NTRK2: variants seen among roughly 807,000 people sequenced by gnomAD.
NTRK2 encodes BDNF/NT-3 growth factors receptor.
NTRK2 carries 13 observed loss-of-function variants against 94.5 expected under a neutral mutation model. The observed-to-expected ratio is 0.14, with a 90% CI of 0.09 to 0.22. The LOEUF (loss-of-function observed/expected upper bound fraction) is 0.22, where lower values mean the gene tolerates loss of function less well. Ranked by LOEUF, NTRK2 falls within the 10% of genes least tolerant of loss-of-function variation. The pLI is 1.00. For synonymous variants in NTRK2, 372 were observed against 407.4 expected, an observed-to-expected ratio of 0.91 and a Z score of 1.05; for missense variants, 639 against 1,071.2, an observed-to-expected ratio of 0.60 and a Z score of 5.63.
At chr9:84,926,168 T>TG (rs2077788725) in intron 14 of NTRK2, among the ~76,000 whole-genome samples, 93 of 62,950 alleles carry the variant, frequency 1.5e-3, no homozygotes, top group African/African-American at 4.8e-3. Flanking sequence ...CTTCCTTCCT[T>TG]CCTTTCTTTC....
rs1481571263 is a variant in NTRK2, at chr9:84,955,331, G to C, written c.1986G>C (p.Thr662=). ...AVLMAEGNPP[T]ELTQSQMLHI... is the part of the protein sequence containing the mutation. Reference sequence around the variant, plus strand: ...TGATGGCTGAGGGCAACCCGCCCACGGAACTGACGCAGTCGCAGATGCTGC... The same window carrying C: ...TGATGGCTGAGGGCAACCCGCCCACCGAACTGACGCAGTCGCAGATGCTGC... Residue 662 remains threonine (T), a synonymous_variant, in exon 17 of 19, where the codon ACG becomes ACC. Coordinates refer to ENST00000277120, the MANE Select transcript of NTRK2 (RefSeq NM_006180.6). 1 of 1,611,548 alleles carries C rather than the reference G, an allele frequency of 6.2e-7. No individual in the cohort carries two copies. Among genetic ancestry groups the C allele is most frequent in the South Asian group, 1.1e-5 (1 of 90,568 alleles).
At chr9:84,946,781 G>T (rs60910459) in intron 15 of NTRK2, among the ~76,000 whole-genome samples, 7,855 of 152,266 alleles carry the variant, frequency 0.052, 281 homozygotes, top group Admixed American at 0.12. Context: ...CTAAAGACAA[G>T]ATGTTACAGG....
At chr9:84,888,611 C>CAA (rs71369158) in intron 14 of NTRK2, among the ~76,000 whole-genome samples, 369 of 33,836 alleles carry the variant, frequency 0.011, 100 homozygotes, top group East Asian at 0.019. Flanking sequence ...CACTCCATCT[C>CAA]AAAAAAAAAA....
intron 15 of NTRK2, among the ~76,000 whole-genome samples, chr9:84,939,266 G>A (rs564900173): frequency 1.3e-5 from 2 of 152,072 alleles, no homozygotes; most frequent in African/African-American, 4.8e-5. Flanking sequence ...AGCTAATATT[G>A]ATATTCTTTA....
At chr9:84,856,335 A>G (rs2075061639) in intron 12 of NTRK2, among the ~76,000 whole-genome samples, 2 of 152,176 alleles carry the variant, frequency 1.3e-5, no homozygotes, top group Non-Finnish European at 2.9e-5. Flanking sequence ...AAAGATTAAG[A>G]TCAAATTGAA....
At chr9:84,727,319 A>C (rs2132073851) in intron 8 of NTRK2, among the ~76,000 whole-genome samples, 1 of 152,326 alleles carries the variant, frequency 6.6e-6, no homozygotes, top group East Asian at 1.9e-4. Flanking sequence ...GATATTAGAA[A>C]CCAAAGTCAA....
At chr9:84,912,645 G>T in intron 14 of NTRK2, among the ~76,000 whole-genome samples, 1 of 118,736 alleles carries the variant, frequency 8.4e-6, no homozygotes, top group African/African-American at 3.3e-5. Flanking sequence ...ATGAGATGGA[G>T]TCTCACTCTG....
chr9:84,672,110 C>A (rs895463910), intron 2 of NTRK2, among the ~76,000 whole-genome samples: 2 of 152,170 alleles, frequency 1.3e-5, no homozygotes, highest in South Asian at 4.1e-4. Context: ...TTTTTCCTTC[C>A]ACAGAAAACA....
chr9:84,725,914 T>G (rs2062418297), intron 8 of NTRK2, among the ~76,000 whole-genome samples: 1 of 152,082 alleles, frequency 6.6e-6, no homozygotes, highest in Non-Finnish European at 1.5e-5. Flanking sequence ...AGGTGCTCAG[T>G]TGAGAGGAAT....
At chr9:84,669,440 GCACACACACA>G (rs367733297), upstream of NTRK2, 2 of 152,238 alleles carry the variant, frequency 1.3e-5, no homozygotes. The surrounding 1 kb of genome is among the most constrained non-coding windows in gnomAD (Gnocchi z 4.1). Context: ...GGATGTAAAT[GCACACACACA>G]CACAGACACA....
At chr9:84,899,325 C>T (rs1290237701) in intron 14 of NTRK2, among the ~76,000 whole-genome samples, 1 of 152,218 alleles carries the variant, frequency 6.6e-6, no homozygotes, top group Non-Finnish European at 1.5e-5. Context: ...ATGTGTATTT[C>T]AGGACAAAAC....
intron 6 of NTRK2, among the ~76,000 whole-genome samples, chr9:84,719,792 G>T (rs2061942186): frequency 6.6e-6 from 1 of 152,048 alleles, no homozygotes; most frequent in Non-Finnish European, 1.5e-5. Flanking sequence ...GCTGAGGCGG[G>T]TCGAGTGCCT....
chr9:84,979,541 T>C (rs1298475213), intron 17 of NTRK2, among the ~76,000 whole-genome samples: 1 of 152,200 alleles, frequency 6.6e-6, no homozygotes, highest in Non-Finnish European at 1.5e-5. Context: ...CTATTCCTGG[T>C]GAAGGTGTTG....
At chr9:84,891,589 A>T (rs2076597061) in intron 14 of NTRK2, among the ~76,000 whole-genome samples, 1 of 152,260 alleles carries the variant, frequency 6.6e-6, no homozygotes, top group South Asian at 2.1e-4. Flanking sequence ...AAGTGCCAGG[A>T]TTTTCTTCTT....
At chr9:85,014,801 G>A (rs1832040551) in intron 17 of NTRK2, among the ~76,000 whole-genome samples, 2 of 152,178 alleles carry the variant, frequency 1.3e-5, no homozygotes, top group South Asian at 4.1e-4. Context: ...AGAATGTTCA[G>A]GCCTGGGTAT....
At chr9:84,673,118 T>C (rs10121750) in intron 2 of NTRK2, among the ~76,000 whole-genome samples, 6,891 of 152,268 alleles carry the variant, frequency 0.045, 536 homozygotes, top group African/African-American at 0.16. Flanking sequence ...TATGTTTCTC[T>C]GCTCTATCTC....
At chr9:84,704,417 T>G (rs1659408) in intron 4 of NTRK2, among the ~76,000 whole-genome samples, 89,128 of 150,718 alleles carry the variant, frequency 0.59, 26,541 homozygotes, top group East Asian at 0.64. Flanking sequence ...TAGTAGAGAT[T>G]GGGTTTCACC....
chr9:84,712,413 T>C (rs768400370), intron 6 of NTRK2, among the ~76,000 whole-genome samples: 3 of 152,180 alleles, frequency 2.0e-5, no homozygotes, highest in Non-Finnish European at 2.9e-5. Flanking sequence ...TTCTACAAAT[T>C]AGTCAATGAA....
chr9:84,785,128 CCT>C (rs140568874), intron 12 of NTRK2, among the ~76,000 whole-genome samples: 2,510 of 152,204 alleles, frequency 0.016, 81 homozygotes, highest in African/African-American at 0.057. Flanking sequence ...TTGTACTTCC[CCT>C]GAGACCTCTG....
Sources: gnomAD v4.1 joint callset for allele counts (sites outside exome capture counted in the v4.1 genomes callset) on GRCh38, gnomAD v4.1.1 for gene constraint, Gnocchi (gnomAD v3.1) non-coding constraint, MANE v1.5 for transcripts, NCBI Gene and HGNC (gene_info 2026-07-23, HGNC 2026-07-21) for gene names.